Variants in ADCY9 observed in about 807,000 individuals in gnomAD.
The protein encoded by ADCY9 is adenylate cyclase type 9.
In ADCY9, 50 loss-of-function variants were observed where a neutral mutation model predicts 101.5. That is an observed-to-expected ratio of 0.49 (90% confidence interval 0.39 to 0.62). The LOEUF (loss-of-function observed/expected upper bound fraction) is 0.62, where lower values mean the gene tolerates loss of function less well. Ranked by LOEUF, ADCY9 falls within the 20% of genes least tolerant of loss-of-function variation. ADCY9 has a pLI of 0.00. For synonymous variants in ADCY9, 905 were observed against 769.3 expected (o/e 1.18, Z -2.92); for missense variants, 1,662 against 1,800.4 (o/e 0.92, Z 1.39).
intron 2 of ADCY9, among the ~76,000 whole-genome samples, chr16:4,008,503 A>G (rs886957965): frequency 2.6e-5 from 4 of 152,222 alleles, no homozygotes; most frequent in Non-Finnish European, 4.4e-5. Context: ...ACATTTAAAT[A>G]ACATTTATTT....
In ADCY9 at chr16:3,963,247, A is replaced by G. The variant is rs764304016; in HGVS notation, c.*2528T>C. 1.0e-5 allele frequency: 4 copies of G among 397,014 alleles called. No individual in the cohort carries two copies. The highest frequency in any genetic ancestry group is 1.8e-5 in the Non-Finnish European group (4 of 225,272). The allele number at this position is 397,014 out of a possible 1,614,324, so 24.6% of individuals were successfully genotyped here. On this transcript the variant is annotated 3_prime_UTR_variant, in exon 11 of 11. Coordinates refer to ENST00000294016, the MANE Select transcript of ADCY9 (RefSeq NM_001116.4). ...ATGCTGAAGTATTGCTTCCTGCCCT[A>G]AGTTCCTAAGAGGTATTGCCACCCT...
chr16:3,980,168 C>T (rs184132051), intron 7 of ADCY9, among the ~76,000 whole-genome samples: 1 of 152,344 alleles, frequency 6.6e-6, no homozygotes, highest in African/African-American at 2.4e-5. Flanking sequence ...GGTCCAGCAC[C>T]ACGTATTTCA....
At chr16:4,006,201 T>C (rs933196875) in intron 3 of ADCY9, among the ~76,000 whole-genome samples, 1 of 152,164 alleles carries the variant, frequency 6.6e-6, no homozygotes, top group Non-Finnish European at 1.5e-5. Context: ...GTGGGTATGC[T>C]GCCATCTGGC....
At chr16:3,970,390 C>T (rs57295118) in intron 10 of ADCY9, among the ~76,000 whole-genome samples, 10,180 of 151,948 alleles carry the variant, frequency 0.067, 589 homozygotes, top group East Asian at 0.22. Flanking sequence ...TGCAATGGCG[C>T]GACCTTGGCT....
chr16:3,981,978 TGGACC>T (rs2056147493), intron 7 of ADCY9: 1 of 152,146 alleles, frequency 6.6e-6, no homozygotes, highest in Admixed American at 6.5e-5. Flanking sequence ...TCTGGGGAAG[TGGACC>T]CTGAAAGGGT....
At chr16:4,089,125 C>G (rs967400207) in intron 2 of ADCY9, among the ~76,000 whole-genome samples, 8 of 85,120 alleles carry the variant, frequency 9.4e-5, no homozygotes, top group African/African-American at 4.8e-4. Flanking sequence ...AGAGATTGCT[C>G]TGTCACCCAG....
intron 2 of ADCY9, among the ~76,000 whole-genome samples, chr16:4,065,571 A>C (rs973021180): frequency 6.6e-6 from 1 of 151,920 alleles, no homozygotes. Context: ...CTTTATTTTT[A>C]TGTATTTATT....
chr16:3,979,785 G>T (rs2056125376), intron 7 of ADCY9, among the ~76,000 whole-genome samples: 1 of 152,234 alleles, frequency 6.6e-6, no homozygotes, highest in South Asian at 2.1e-4. Flanking sequence ...CACCCAGGGA[G>T]GTTCTGCCCT....
Position 3,966,499 on chromosome 16 carries a change from G to T in ADCY9, c.3338C>A (p.Thr1113Lys). 2 of 1,614,148 alleles carry T rather than the reference G, an allele frequency of 1.2e-6. No homozygotes were observed. Among genetic ancestry groups the T allele is most frequent in the Non-Finnish European group, 1.7e-6 (2 of 1,180,042 alleles). The change falls in exon 11 of 11, where the codon ACG (threonine) becomes AAG (lysine). Residue 1113 changes from threonine (T) to lysine (K), a missense_variant. Transcript: ENST00000294016. ...SIEKIKTIGA[T>K]YMAASGLNTA... ...GTTCAGCCCTGACGCCGCCATGTAC[G>T]TGGCTCCGATGGTCTTGATCTTCTC...
chr16:4,067,071 T>C (rs914556210), intron 2 of ADCY9, among the ~76,000 whole-genome samples: 1 of 152,146 alleles, frequency 6.6e-6, no homozygotes, highest in Non-Finnish European at 1.5e-5. Context: ...GATGCCCAGC[T>C]CTATGAAAGA....
At chr16:3,988,197 C>T (rs1042014911) in intron 6 of ADCY9, among the ~76,000 whole-genome samples, 5 of 151,732 alleles carry the variant, frequency 3.3e-5, no homozygotes, top group Non-Finnish European at 5.9e-5. Context: ...AGTCTGCAGT[C>T]GGGGAGAGCT....
intron 2 of ADCY9, among the ~76,000 whole-genome samples, chr16:4,052,880 T>G (rs1348154446): frequency 2.6e-5 from 4 of 152,224 alleles, no homozygotes; most frequent in Non-Finnish European, 5.9e-5. Context: ...TGACAATGCC[T>G]TAAGTCACAC....
intron 2 of ADCY9, among the ~76,000 whole-genome samples, chr16:4,042,949 C>T (rs1467900984): frequency 5.3e-5 from 8 of 152,196 alleles, no homozygotes; most frequent in South Asian, 2.1e-4. Flanking sequence ...TATTAAAACT[C>T]GGCCGGGCGC....
chr16:3,960,059 T>C (rs1401961641), downstream of ADCY9, among the ~76,000 whole-genome samples: 1 of 151,778 alleles, frequency 6.6e-6, no homozygotes, highest in Non-Finnish European at 1.5e-5. Flanking sequence ...AAAACGCATG[T>C]AACAATGAGT....
At chr16:4,069,932 C>A (rs1322111207) in intron 2 of ADCY9, among the ~76,000 whole-genome samples, 2 of 152,094 alleles carry the variant, frequency 1.3e-5, no homozygotes, top group Non-Finnish European at 2.9e-5. Context: ...CCTGTCTCTA[C>A]TAAAAGTACA....
At chr16:3,983,657 G>A (rs1247756699) in intron 6 of ADCY9, 13 of 573,088 alleles carry the variant, frequency 2.3e-5, no homozygotes, top group South Asian at 6.5e-5. Flanking sequence ...GGCTGGGCAC[G>A]GTGGCTCACG....
chr16:3,996,509 T>G (rs1015955098), intron 3 of ADCY9, among the ~76,000 whole-genome samples: 3 of 152,126 alleles, frequency 2.0e-5, no homozygotes, highest in African/African-American at 7.2e-5. Flanking sequence ...AACTCTCTGG[T>G]GTGGCTAAGG....
intron 3 of ADCY9, among the ~76,000 whole-genome samples, chr16:4,005,993 C>T (rs1392965200): frequency 2.6e-5 from 4 of 152,162 alleles, no homozygotes; most frequent in South Asian, 2.1e-4. Context: ...CCAGGCAAGG[C>T]GGCTGTCTCT....
rs3730130 is a variant in ADCY9 at position 3,983,194 on chromosome 16, C to T, written c.2519+38G>A. ...CCATGGAGCCAGAAGAGGGAGCTAA[C>T]GGCTCAGAGCTGGAGACCCAGTCCA... On this transcript the variant is annotated intron_variant, in intron 7 of 10. Coordinates refer to ENST00000294016, the MANE Select transcript of ADCY9 (RefSeq NM_001116.4). 571 of 1,515,938 alleles carry T rather than the reference C, an allele frequency of 3.8e-4. 3 individuals are homozygous for T. The African/African-American group carries it at 6.4e-3, about 17-fold the overall frequency. 93.9% of individuals were successfully genotyped at this position (1,515,938 alleles called of 1,614,324 possible).
Sources: allele counts gnomAD v4.1 joint callset (sites outside exome capture counted in the v4.1 genomes callset), GRCh38; gene constraint gnomAD v4.1.1; transcripts MANE v1.5; gene names NCBI Gene and HGNC (gene_info 2026-07-23, HGNC 2026-07-21).